PLA2G4B: variants seen among roughly 807,000 people sequenced by gnomAD.
The protein encoded by PLA2G4B is cytosolic phospholipase A2 beta.
In PLA2G4B, 122 loss-of-function variants were observed where a neutral mutation model predicts 95.8. That is an observed-to-expected ratio of 1.27 (90% CI 1.10 to 1.48). The LOEUF is 1.48. Among genes scored for constraint, PLA2G4B ranks in the 40% most tolerant of loss-of-function variants. The pLI is 0.00. For synonymous variants in PLA2G4B, 518 were observed against 421.5 expected (o/e 1.23, Z -2.80); for missense variants, 1,158 against 996.2 (o/e 1.16, Z -2.19).
rs745814765 is a variant in PLA2G4B, at chr15:41,845,188, C to A, written c.1240-15C>A. 1 of 1,614,040 alleles carries A rather than the reference C, an allele frequency of 6.2e-7. No homozygotes were observed. Among genetic ancestry groups the A allele is most frequent in the Non-Finnish European group, 8.5e-7 (1 of 1,179,940 alleles). ...CAGGCCGCTGTGGGTTTAGGTTCTA[C>A]GCATCTTTCCCCAGCCCCATGATCA... On this transcript the variant is annotated splice_polypyrimidine_tract_variant and intron_variant, in intron 13 of 19. Coordinates refer to ENST00000458483, the MANE Select transcript of PLA2G4B (RefSeq NM_001114633.2).
Position 41,843,796 on chromosome 15 carries a change from C to T in PLA2G4B, c.864C>T (p.Asp288=), listed in dbSNP as rs150934965. 37 of 1,613,744 alleles carry T rather than the reference C, an allele frequency of 2.3e-5. 1 individual carries two copies. In the African/African-American group the frequency reaches 4.7e-4, roughly 20 times the overall value. ...ALRQALQLDG[D]LQEDEIPVVA... ...GGCAGGCCCTGCAGCTGGACGGAGA[C>T]CTGCAGGAGGATGAGGTTTGGGGGC... The change falls in exon 11 of 20, where the codon GAC becomes GAT. Residue 288 remains aspartate, a synonymous_variant. Coordinates refer to ENST00000458483, the MANE Select transcript of PLA2G4B (RefSeq NM_001114633.2).
chr15:41,846,123 A>C (rs1197670), intron 16 of PLA2G4B, 76 bp downstream of exon 16: 1 of 1,578,958 alleles, frequency 6.3e-7, no homozygotes, highest in Non-Finnish European at 8.6e-7. Context: ...GGGGGTTCAC[A>C]CCTCTTCCCC....
At position 41,846,262 on chromosome 15, in the gene PLA2G4B, G is replaced by T. The variant is rs771968173; in HGVS notation, c.1660G>T (p.Ala554Ser). 6.2e-6 allele frequency: 10 copies of T among 1,613,988 alleles called. No individual in the cohort carries two copies. The Admixed American group carries it at 1.5e-4, about 24-fold the overall frequency. The change falls in exon 17 of 20, where the codon GCT (alanine) becomes TCT (serine). Residue 554 changes from alanine (A) to serine (S), a missense_variant. Transcript: ENST00000458483. ...ACCACCCTCAACAGCCGGCAGGATA[G>T]CTGAGTTTTTCACCGATCTTCTGAC... ...EEPPSTAGRI[A>S]EFFTDLLTWR... is the part of the protein sequence containing the mutation.
In PLA2G4B at chr15:41,846,738, G is replaced by GCTAC. The variant is rs1489076269; in HGVS notation, c.1853_1856dup (p.Ile620ProfsTer181). 1 of 1,613,996 alleles carries GCTAC rather than the reference G, an allele frequency of 6.2e-7. No homozygotes were observed. Among genetic ancestry groups the GCTAC allele is most frequent in the South Asian group, 1.1e-5 (1 of 91,076 alleles). ...CCCCACCTGTGCCTGCTGGATGTTG[G>GCTAC]CTACCTCATCAATACCAGCTGCCTG... On this transcript the variant is annotated frameshift_variant, in exon 18 of 20. Transcript: ENST00000458483. LOFTEE classifies it high-confidence loss of function.
intron 10 of PLA2G4B, 67 bp downstream of exon 10, chr15:41,842,658 C>G: frequency 6.3e-7 from 1 of 1,583,652 alleles, no homozygotes; most frequent in Non-Finnish European, 8.5e-7. Context: ...CTGGAGGAGG[C>G]CTGGAGGAGT....
Position 41,846,696 on chromosome 15 carries a change from A to G in PLA2G4B, c.1808A>G (p.Gln603Arg). Reference sequence around the variant, plus strand: ...ACCACTCTGGATGGGCTCCCCAACCAGCTGACACCCTCGGAGCCCCACCTG... The same window carrying G: ...ACCACTCTGGATGGGCTCCCCAACCGGCTGACACCCTCGGAGCCCCACCTG... ...KATTLDGLPN[Q>R]LTPSEPHLCL... Residue 603 changes from glutamine to arginine, a missense_variant, in exon 18 of 20, where the codon CAG becomes CGG. Gln to Arg is a conservative substitution (Grantham distance 43, BLOSUM62 1). Coordinates refer to ENST00000458483, the MANE Select transcript of PLA2G4B (RefSeq NM_001114633.2). 2 of 1,612,814 alleles carry G rather than the reference A, an allele frequency of 1.2e-6. No homozygotes were observed. The highest frequency in any genetic ancestry group is 1.7e-6 in the Non-Finnish European group (2 of 1,179,156).
rs141072759 is a variant in PLA2G4B, at chr15:41,841,941, C to T, written c.613C>T (p.Arg205Cys). 322 of 1,611,788 alleles carry T rather than the reference C, an allele frequency of 2.0e-4. No individual in the cohort carries two copies. The African/African-American group carries it at 3.5e-3, about 18-fold the overall frequency. Reference sequence around the variant, plus strand: ...CTGCTGGGAGCAGGAGCTGAGTATTCGCCTGCAGGTAGTGTGCCTCGCTCC... The same window carrying T: ...CTGCTGGGAGCAGGAGCTGAGTATTTGCCTGCAGGTAGTGTGCCTCGCTCC... Reference protein sequence around the residue: ...PACWEQELSIRLQDAPEEQLK... With the variant: ...PACWEQELSICLQDAPEEQLK... The change falls in exon 8 of 20, where the codon CGC becomes TGC. Residue 205 changes from arginine (R) to cysteine (C), a missense_variant. Coordinates refer to ENST00000458483, the MANE Select transcript of PLA2G4B (RefSeq NM_001114633.2).
chr15:41,845,499 G>T, intron 14 of PLA2G4B, 139 bp from the exon 15 acceptor site: 1 of 1,477,340 alleles, frequency 6.8e-7, no homozygotes, highest in Non-Finnish European at 9.0e-7. Context: ...AGGGGCCTTA[G>T]GTCCTATGCA....
intron 10 of PLA2G4B, chr15:41,842,796 T>A: frequency 1.4e-6 from 1 of 738,920 alleles, no homozygotes; most frequent in Non-Finnish European, 2.0e-6. Flanking sequence ...GAGGGGCGAG[T>A]GACCGGCCCA....
chr15:41,842,433 A>G, intron 9 of PLA2G4B, 121 bp from the exon 10 acceptor site: 1 of 1,560,636 alleles, frequency 6.4e-7, no homozygotes, highest in Non-Finnish European at 8.7e-7. Context: ...TCCCTGCTTC[A>G]GGCCTGGCGC....
Position 41,847,969 on chromosome 15 carries a change from G to C in PLA2G4B, c.*109G>C. On this transcript the variant is annotated 3_prime_UTR_variant, in exon 20 of 20. Transcript: ENST00000458483. ...CAGAGCCTCGGGCTCAGGTGGCACGGTCCCAGGGTCCAGGCTGAGGGCTGG... is the reference window on the plus strand; with the variant it reads ...CAGAGCCTCGGGCTCAGGTGGCACGCTCCCAGGGTCCAGGCTGAGGGCTGG... The C allele has an allele frequency of 2.1e-6, 3 of 1,398,292 alleles. No individual in the cohort carries two copies. The highest frequency in any genetic ancestry group is 2.9e-6 in the Non-Finnish European group (3 of 1,043,268). 86.6% of individuals were successfully genotyped at this position (1,398,292 alleles called of 1,614,324 possible).
intron 11 of PLA2G4B, 150 bp downstream of exon 11, chr15:41,843,961 C>CT (rs1278728207): frequency 7.1e-7 from 1 of 1,399,776 alleles, no homozygotes. Flanking sequence ...TTAGCAGGGA[C>CT]TTGGTACAGG....
At position 41,847,776 on chromosome 15, in the gene PLA2G4B, T is replaced by C; in HGVS notation, c.2262T>C (p.His754=). Residue 754 remains histidine, a synonymous_variant, in exon 20 of 20, where the codon CAT becomes CAC. Coordinates refer to ENST00000458483, the MANE Select transcript of PLA2G4B (RefSeq NM_001114633.2). ...TGGACAAGCTGCTGCACCTGACACA[T>C]TACAATGTCTGCAACAACCAGGAGC... ...EDVDKLLHLT[H]YNVCNNQEQL... 1.9e-6 allele frequency: 3 copies of C among 1,609,744 alleles called. No homozygotes were observed. The East Asian group carries it at 6.7e-5, about 36-fold the overall frequency.
At chr15:41,841,479 G>T in intron 6 of PLA2G4B, 38 bp from the exon 7 acceptor site, 1 of 1,613,838 alleles carries the variant, frequency 6.2e-7, no homozygotes, top group Non-Finnish European at 8.5e-7. Context: ...TGAATGGGGG[G>T]TGGGGTTAGT....
In PLA2G4B at chr15:41,845,251, C is replaced by T. The variant is rs759342407; in HGVS notation, c.1288C>T (p.Gln430Ter). The T allele has an allele frequency of 1.2e-6, 2 of 1,614,156 alleles. No homozygotes were observed. Among genetic ancestry groups the T allele is most frequent in the Non-Finnish European group, 1.7e-6 (2 of 1,180,008 alleles). ...TCAACGGGAGGCCCTGAGTCATGGC[C>T]AGAACCCTCTGCCCATCTACTGTGC... ...SDQREALSHG[Q>*]NPLPIYCALN... Residue 430 changes from glutamine to a stop codon, truncating the protein, a stop_gained, in exon 14 of 20, where the codon CAG becomes TAG. Coordinates refer to ENST00000458483, the MANE Select transcript of PLA2G4B (RefSeq NM_001114633.2). LOFTEE classifies it high-confidence loss of function.
Position 41,843,606 on chromosome 15 carries a change from G to A in PLA2G4B, c.744-70G>A, listed in dbSNP as rs2065476423. 11 of 1,574,944 alleles carry A rather than the reference G, an allele frequency of 7.0e-6. No homozygotes were observed. In the South Asian group the frequency reaches 1.2e-4, roughly 17 times the overall value. ...GGAGGGCAGTAGGTATTACAGGTGA[G>A]GCAGACCCAGCTTTCCATTCTCTGG... On this transcript the variant is annotated intron_variant, in intron 10 of 19. Transcript: ENST00000458483.
At position 41,840,585 on chromosome 15, in the gene PLA2G4B, G is replaced by T; in HGVS notation, c.144G>T (p.Gln48His). ...WLPTACSHRL[Q>H]TRTVKNSSSP... The stretch of plus-strand genomic sequence containing the variant: ...CCACGGCCTGCAGCCACAGGCTCCA[G>T]ACACGCACGGTCAAGAACAGCAGTA... Residue 48 changes from glutamine to histidine, a missense_variant, in exon 3 of 20, where the codon CAG becomes CAT. Coordinates refer to ENST00000458483, the MANE Select transcript of PLA2G4B (RefSeq NM_001114633.2). 6.2e-7 allele frequency: 1 copy of T among 1,614,000 alleles called. No individual in the cohort carries two copies. The highest frequency in any genetic ancestry group is 8.5e-7 in the Non-Finnish European group (1 of 1,180,022).
rs759592843 is a variant in PLA2G4B, at chr15:41,844,982, A to G, written c.1151A>G (p.Gln384Arg). 1 of 1,610,412 alleles carries G rather than the reference A, an allele frequency of 6.2e-7. No individual in the cohort carries two copies. Among genetic ancestry groups the G allele is most frequent in the Admixed American group, 1.7e-5 (1 of 59,552 alleles). Residue 384 changes from glutamine to arginine, a missense_variant, in exon 13 of 20, where the codon CAG becomes CGG. By Grantham distance (43) the Gln-to-Arg change is conservative (BLOSUM62 1). Transcript: ENST00000458483. ...CCCAGCCAGCTGCAGCGGTACCGGC[A>G]GGAGCTGGCCGAGCGTGCCCGCTTG... ...LAPSQLQRYR[Q>R]ELAERARLGY...
intron 8 of PLA2G4B, 69 bp from the exon 9 acceptor site, chr15:41,842,124 G>C (rs2065443316): frequency 1.9e-6 from 3 of 1,596,530 alleles, no homozygotes; most frequent in African/African-American, 1.3e-5. Flanking sequence ...GCCGGCGGGA[G>C]TTTGGTGAGG....
Sources: allele counts gnomAD v4.1 joint callset, GRCh38; gene constraint gnomAD v4.1.1; transcripts MANE v1.5; gene names NCBI Gene and HGNC (gene_info 2026-07-23, HGNC 2026-07-21).